Variants in ATXN7L1 observed in about 807,000 individuals in gnomAD.
The protein encoded by ATXN7L1 is ataxin-7-like protein 1.
ATXN7L1 carries 15 observed loss-of-function variants against 70.8 expected under a neutral mutation model. The observed-to-expected ratio is 0.21, with a 90% CI of 0.14 to 0.33. ATXN7L1 has a LOEUF of 0.33. Ranked by LOEUF, ATXN7L1 falls within the 10% of genes least tolerant of loss-of-function variation. The pLI, the probability that ATXN7L1 is intolerant of heterozygous loss-of-function variation, is 1.00. For missense variants in ATXN7L1, 975 were observed against 1,097.1 expected (o/e 0.89, Z 1.57); for synonymous variants, 440 against 445.1 (o/e 0.99, Z 0.14).
chr7:105,648,934 G>C (rs1799463986), intron 4 of ATXN7L1, among the ~76,000 whole-genome samples: 1 of 139,130 alleles, frequency 7.2e-6, no homozygotes, highest in Admixed American at 6.7e-5. Context: ...CCATGTGCAG[G>C]TGGTGAGACC....
At chr7:105,853,586 C>CAA (rs556808865) in intron 2 of ATXN7L1, among the ~76,000 whole-genome samples, 9 of 148,054 alleles carry the variant, frequency 6.1e-5, no homozygotes, top group Non-Finnish European at 1.5e-5. Context: ...AACAAACAAA[C>CAA]AAAAAAAACA....
At chr7:105,620,949 A>G (rs1584343215) in intron 8 of ATXN7L1, among the ~76,000 whole-genome samples, 1 of 151,620 alleles carries the variant, frequency 6.6e-6, no homozygotes, top group Admixed American at 6.6e-5. Flanking sequence ...TTTCAGGACC[A>G]TCTGTTTGTC....
intron 3 of ATXN7L1, 97 bp downstream of exon 3, chr7:105,788,507 C>T (rs1804654271): frequency 1.3e-5 from 13 of 1,005,698 alleles, no homozygotes; most frequent in Middle Eastern, 2.5e-4. Flanking sequence ...CAGGCTGAGA[C>T]AAGACATGGC....
At chr7:105,744,735 CTT>C (rs11465151) in intron 3 of ATXN7L1, among the ~76,000 whole-genome samples, 48 of 117,126 alleles carry the variant, frequency 4.1e-4, no homozygotes, top group African/African-American at 1.2e-3. Flanking sequence ...TCTTTCTTTA[CTT>C]TTTTTTTTTT....
chr7:105,705,826 C>T (rs141495484), intron 3 of ATXN7L1, among the ~76,000 whole-genome samples: 161 of 152,344 alleles, frequency 1.1e-3, no homozygotes, highest in Middle Eastern at 3.4e-3. Context: ...TGAACCTCTG[C>T]CAGGTCTCAC....
At chr7:105,691,485 T>A (rs1180796459) in intron 3 of ATXN7L1, 1 of 152,022 alleles carries the variant, frequency 6.6e-6, no homozygotes, top group South Asian at 2.1e-4. Flanking sequence ...AAAAAAAGTC[T>A]ATAAATAACC....
rs906583731 is a variant in ATXN7L1 at position 105,620,098 on chromosome 7, T to C, written c.1517+102A>G. ...AAGCATCCTGACTTCAGAATCATTT[T>C]GTTCTATGAAAAGTCAGCCACTGAC... On this transcript the variant is annotated intron_variant, in intron 9 of 11. Coordinates refer to ENST00000419735, the MANE Select transcript of ATXN7L1 (RefSeq NM_020725.2). The C allele has an allele frequency of 3.6e-6, 5 of 1,389,814 alleles. No homozygotes were observed. The African/African-American group carries it at 4.3e-5, about 12-fold the overall frequency. 86.1% of individuals were successfully genotyped at this position (1,389,814 alleles called of 1,614,324 possible). A position where few individuals can be genotyped will look rare whatever the true frequency, so the allele number is the denominator to read the frequency against.
chr7:105,784,435 A>AACACACACACAC (rs10667714), intron 3 of ATXN7L1, among the ~76,000 whole-genome samples: 113 of 149,728 alleles, frequency 7.5e-4, no homozygotes, highest in African/African-American at 2.5e-3. Flanking sequence ...TGACTGGCTA[A>AACACACACACAC]ACACACACAC....
chr7:105,707,371 C>T (rs1473219617), intron 3 of ATXN7L1, among the ~76,000 whole-genome samples: 4 of 151,994 alleles, frequency 2.6e-5, no homozygotes, highest in Middle Eastern at 3.2e-3. Flanking sequence ...GTCAAGGCAG[C>T]GAGGAAGATG....
At chr7:105,830,017 C>A (rs796950756) in intron 2 of ATXN7L1, among the ~76,000 whole-genome samples, 2 of 152,200 alleles carry the variant, frequency 1.3e-5, no homozygotes, top group Admixed American at 1.3e-4. Flanking sequence ...TGGGGACACA[C>A]GAAGTGGCTC....
intron 3 of ATXN7L1, among the ~76,000 whole-genome samples, chr7:105,777,568 C>G (rs1423914192): frequency 2.0e-5 from 3 of 152,202 alleles, no homozygotes; most frequent in Non-Finnish European, 4.4e-5. Flanking sequence ...TGACTCTTCC[C>G]TTTCCAATCT....
intron 7 of ATXN7L1, among the ~76,000 whole-genome samples, chr7:105,636,170 G>A (rs1049598778): frequency 4.6e-5 from 7 of 152,166 alleles, no homozygotes; most frequent in Non-Finnish European, 1.0e-4. Context: ...CGAGGTGGGC[G>A]AATCACCTGA....
chr7:105,837,921 G>A (rs1256971097), intron 2 of ATXN7L1, among the ~76,000 whole-genome samples: 2 of 152,144 alleles, frequency 1.3e-5, no homozygotes, highest in Admixed American at 1.3e-4. Flanking sequence ...GCTCGCTCTC[G>A]ATGGCGCAGG....
chr7:105,806,243 G>A (rs1370666647), intron 2 of ATXN7L1, among the ~76,000 whole-genome samples: 1 of 152,102 alleles, frequency 6.6e-6, no homozygotes, highest in Non-Finnish European at 1.5e-5. Context: ...GACCTTTGGG[G>A]AATGATGAGG....
chr7:105,617,980 T>C, intron 9 of ATXN7L1: 1 of 456,768 alleles, frequency 2.2e-6, no homozygotes, highest in Non-Finnish European at 4.4e-6. Flanking sequence ...AGCGGGGTGC[T>C]ACGCTCTCCA....
intron 4 of ATXN7L1, among the ~76,000 whole-genome samples, chr7:105,650,415 A>G (rs1158102314): frequency 6.6e-6 from 1 of 152,230 alleles, no homozygotes; most frequent in Non-Finnish European, 1.5e-5. Context: ...TAAATCTAAC[A>G]TTATTCTGTG....
chr7:105,781,889 A>G (rs1386598400), intron 3 of ATXN7L1, among the ~76,000 whole-genome samples: 5 of 152,106 alleles, frequency 3.3e-5, no homozygotes, highest in Admixed American at 6.6e-5. Context: ...GCCCAGGCTG[A>G]AGTGCAGGGG....
At chr7:105,795,746 G>C (rs1236656834) in intron 2 of ATXN7L1, among the ~76,000 whole-genome samples, 1 of 152,140 alleles carries the variant, frequency 6.6e-6, no homozygotes, top group Non-Finnish European at 1.5e-5. Flanking sequence ...GCTCACCATA[G>C]AGAATCCCAC....
chr7:105,866,511 T>A (rs1817498182), intron 2 of ATXN7L1, among the ~76,000 whole-genome samples: 1 of 152,114 alleles, frequency 6.6e-6, no homozygotes, highest in African/African-American at 2.4e-5. Context: ...CCCTGAATAT[T>A]AAGGATGCTC....
Sources: gnomAD v4.1 joint callset for allele counts (sites outside exome capture counted in the v4.1 genomes callset) on GRCh38, gnomAD v4.1.1 for gene constraint, MANE v1.5 for transcripts, NCBI Gene and HGNC (gene_info 2026-07-23, HGNC 2026-07-21) for gene names.